Variants in POLR3B observed in about 807,000 individuals in gnomAD.
POLR3B encodes the protein RNA polymerase III subunit B, also known as DNA-directed RNA polymerase III subunit RPC2.
POLR3B carries 96 observed loss-of-function variants against 147.4 expected under a neutral mutation model. The observed-to-expected ratio is 0.65, with a 90% CI of 0.55 to 0.77. The LOEUF is 0.77. Among genes scored for constraint, POLR3B ranks in the 30% least tolerant of loss-of-function variants. The pLI is 0.00. For missense variants in POLR3B, 1,036 were observed against 1,413.5 expected, an observed-to-expected ratio of 0.73 and a Z score of 4.28; for synonymous variants, 461 against 485.9, an observed-to-expected ratio of 0.95 and a Z score of 0.67.
chr12:106,497,418 G>A (rs541954970), intron 25 of POLR3B, among the ~76,000 whole-genome samples: 10 of 152,146 alleles, frequency 6.6e-5, no homozygotes, highest in Admixed American at 2.0e-4. Flanking sequence ...CTGGTGGATC[G>A]CCCAGGAGTT....
At position 106,405,896 on chromosome 12, in the gene POLR3B, A is replaced by C. The variant is rs759803156; in HGVS notation, c.886A>C (p.Met296Leu). The change falls in exon 11 of 28, where the codon ATG becomes CTG. Residue 296 changes from methionine (M) to leucine (L), a missense_variant. Transcript: ENST00000228347. ...YIGNKVRRQR[M>L]WGGGPKKTKI... ...AGGGAACAAAGTAAGAAGGCAAAGGATGTGGGGAGGTGGACCAAAGAAAAC... is the reference window on the plus strand; with the variant it reads ...AGGGAACAAAGTAAGAAGGCAAAGGCTGTGGGGAGGTGGACCAAAGAAAAC... 6.2e-7 allele frequency: 1 copy of C among 1,613,224 alleles called. No individual in the cohort carries two copies. The highest frequency in any genetic ancestry group is 8.5e-7 in the Non-Finnish European group (1 of 1,179,208).
intron 12 of POLR3B, among the ~76,000 whole-genome samples, chr12:106,417,011 G>T (rs919346069): frequency 6.6e-6 from 1 of 152,148 alleles, no homozygotes; most frequent in African/African-American, 2.4e-5. Flanking sequence ...CCTAGGTGCA[G>T]TTAGTTGCTC....
intron 21 of POLR3B, 103 bp from the exon 22 acceptor site, chr12:106,459,147 CT>C (rs1182408683): frequency 1.3e-6 from 1 of 759,112 alleles, no homozygotes; most frequent in African/African-American, 1.7e-5. Context: ...CCGCAGCCTC[CT>C]GAGTTGTTGG....
chr12:106,395,934 C>T (rs1296951810), intron 10 of POLR3B, among the ~76,000 whole-genome samples: 2 of 152,172 alleles, frequency 1.3e-5, no homozygotes, highest in Non-Finnish European at 2.9e-5. Context: ...CGCGCCACTG[C>T]ACTCCAGCCT....
rs143310011 is a variant in POLR3B, at chr12:106,508,799, G to A, written c.3273-621G>A. ...CTTAGTTTTGCACAAGGGACAACAT[G>A]TTGTAAGTATAGTACCTCCAACACT... On this transcript the variant is annotated intron_variant, in intron 27 of 27. Coordinates refer to ENST00000228347, the MANE Select transcript of POLR3B (RefSeq NM_018082.6). Among the ~76,000 whole-genome samples the A allele has an allele frequency of 1.8e-3, 272 of 152,332 alleles. 1 individual carries two copies. Among genetic ancestry groups the A allele is most frequent in the African/African-American group, 6.1e-3 (255 of 41,574 alleles).
intron 8 of POLR3B, among the ~76,000 whole-genome samples, chr12:106,379,804 C>G (rs539633026): frequency 2.0e-5 from 3 of 152,292 alleles, no homozygotes; most frequent in Admixed American, 6.5e-5. Context: ...CACAGAACTT[C>G]CATCATAATC....
rs80034931 is a variant in POLR3B at position 106,365,201 on chromosome 12, G to A, written c.105+1299G>A. On this transcript the variant is annotated intron_variant, in intron 2 of 27. Coordinates refer to ENST00000228347, the MANE Select transcript of POLR3B (RefSeq NM_018082.6). ...GGACTCTACTCTAGAGTTCAGTTGCGTGTTATGGGCAGAGGGGAGAGTGCT... is the reference window on the plus strand; with the variant it reads ...GGACTCTACTCTAGAGTTCAGTTGCATGTTATGGGCAGAGGGGAGAGTGCT... Among the ~76,000 whole-genome samples, 567 of 152,190 alleles carry A rather than the reference G, an allele frequency of 3.7e-3. 4 individuals are homozygous for A. The highest frequency in any genetic ancestry group is 0.013 in the African/African-American group (530 of 41,532).
intron 23 of POLR3B, among the ~76,000 whole-genome samples, chr12:106,469,880 A>C (rs1234499826): frequency 6.6e-6 from 1 of 152,146 alleles, no homozygotes; most frequent in Non-Finnish European, 1.5e-5. Flanking sequence ...GCTGCCCTTA[A>C]CACTTTTTCC....
chr12:106,360,124 C>A (rs1268691604), intron 1 of POLR3B, among the ~76,000 whole-genome samples: 1 of 152,230 alleles, frequency 6.6e-6, no homozygotes. Flanking sequence ...GAACGACTGT[C>A]CTCTCTTACT....
chr12:106,363,290 T>A (rs1565872073), intron 1 of POLR3B, among the ~76,000 whole-genome samples: 3 of 152,232 alleles, frequency 2.0e-5, no homozygotes, highest in Non-Finnish European at 4.4e-5. Flanking sequence ...CTAATGGAGA[T>A]CTCAAGCTTA....
chr12:106,485,931 T>A (rs1316489693), intron 23 of POLR3B, among the ~76,000 whole-genome samples: 1 of 152,196 alleles, frequency 6.6e-6, no homozygotes, highest in Non-Finnish European at 1.5e-5. Flanking sequence ...TTATAAGCAC[T>A]TTTATCTATA....
chr12:106,434,418 T>A (rs1311107595), intron 16 of POLR3B, among the ~76,000 whole-genome samples: 1 of 151,848 alleles, frequency 6.6e-6, no homozygotes, highest in Non-Finnish European at 1.5e-5. Flanking sequence ...TGGAGGTAGG[T>A]GGGGAGGAGA....
At chr12:106,403,047 T>C (rs1246861347) in intron 10 of POLR3B, among the ~76,000 whole-genome samples, 2 of 150,680 alleles carry the variant, frequency 1.3e-5, no homozygotes, top group Non-Finnish European at 3.0e-5. Flanking sequence ...AGAAAATTTT[T>C]GCAACCTACT....
At chr12:106,482,106 T>C (rs923775922) in intron 23 of POLR3B, among the ~76,000 whole-genome samples, 11 of 152,250 alleles carry the variant, frequency 7.2e-5, no homozygotes, top group Non-Finnish European at 1.2e-4. Context: ...TTATCTTTCT[T>C]CTGGATCATT....
chr12:106,480,818 G>A (rs1022749177), intron 23 of POLR3B, among the ~76,000 whole-genome samples: 1 of 152,060 alleles, frequency 6.6e-6, no homozygotes, highest in Non-Finnish European at 1.5e-5. Flanking sequence ...TTGTGTTCTT[G>A]TGGGCAAGAA....
chr12:106,432,749 C>G (rs1404056800), intron 15 of POLR3B, among the ~76,000 whole-genome samples: 4 of 152,162 alleles, frequency 2.6e-5, no homozygotes. Context: ...CTGGCATATC[C>G]TTAGTGGAAT....
chr12:106,408,102 G>A (rs1043894542), intron 11 of POLR3B, among the ~76,000 whole-genome samples: 4 of 152,170 alleles, frequency 2.6e-5, no homozygotes, highest in Non-Finnish European at 4.4e-5. Flanking sequence ...TGTGATATAT[G>A]TGATTTTATG....
At position 106,380,083 on chromosome 12, in the gene POLR3B, T is replaced by C; in HGVS notation, c.667T>C (p.Phe223Leu). 1 of 1,613,204 alleles carries C rather than the reference T, an allele frequency of 6.2e-7. No homozygotes were observed. The highest frequency in any genetic ancestry group is 8.5e-7 in the Non-Finnish European group (1 of 1,179,346). ...CAATATGGCTGTGAAACAAGGACGA[T>C]TTTATTTGAGGCATAATACTTTGTC... ...RTNMAVKQGR[F>L]YLRHNTLSED... is the part of the protein sequence containing the mutation. The change falls in exon 9 of 28, where the codon TTT (phenylalanine) becomes CTT (leucine). Residue 223 changes from phenylalanine to leucine, a missense_variant. Physicochemically the swap from Phe to Leu is conservative, Grantham distance 22 (BLOSUM62 0). Around this residue, in one of 12 missense-constraint regions of POLR3B, gnomAD observed 217 missense variants for 288.7 expected, o/e 0.75. Coordinates refer to ENST00000228347, the MANE Select transcript of POLR3B (RefSeq NM_018082.6).
At chr12:106,438,837 ACT>A (rs1181641157) in intron 18 of POLR3B, among the ~76,000 whole-genome samples, 1 of 139,942 alleles carries the variant, frequency 7.1e-6, no homozygotes, top group Non-Finnish European at 1.5e-5. Context: ...CTGTTCAAAA[ACT>A]CTAAGTTTAT....
Sources: gnomAD v4.1 joint callset for allele counts (sites outside exome capture counted in the v4.1 genomes callset) on GRCh38, gnomAD v4.1.1 for gene constraint, gnomAD v4.1.1 regional missense constraint, MANE v1.5 for transcripts, NCBI Gene and HGNC (gene_info 2026-07-23, HGNC 2026-07-21) for gene names.